PSMD8: variants seen among roughly 807,000 people sequenced by gnomAD.
PSMD8 encodes proteasome 26S subunit, non-ATPase 8.
Under a neutral mutation model 40.0 loss-of-function variants are expected in PSMD8, and 30 were observed. The ratio of observed to expected loss-of-function variants is 0.75; its 90% CI spans 0.56 to 1.02. PSMD8 has a LOEUF of 1.02. Ranked by LOEUF, PSMD8 falls within the 50% of genes least tolerant of loss-of-function variation. The pLI is 0.00. For synonymous variants in PSMD8, 208 were observed against 192.5 expected (o/e 1.08, Z -0.67); for missense variants, 461 against 463.9 (o/e 0.99, Z 0.06).
intron 1 of PSMD8, among the ~76,000 whole-genome samples, chr19:38,375,776 G>C (rs1970592594): frequency 6.6e-6 from 1 of 152,156 alleles, no homozygotes; most frequent in South Asian, 2.1e-4. Context: ...TGAACTGTGG[G>C]GGGAGATTTG....
At chr19:38,382,291 G>A (rs1221323168) in intron 6 of PSMD8, 63 bp downstream of exon 6, 1 of 1,346,032 alleles carries the variant, frequency 7.4e-7, no homozygotes, top group East Asian at 2.5e-5. Context: ...CAACAGTGTG[G>A]GGTGGCTTAG....
chr19:38,374,676 G>T lies in PSMD8; in HGVS notation c.75G>T (p.Gln25His). Reference sequence around the variant, plus strand: ...GGGCTACCCGGGGCGGGCTGAGGCAGGTTGTAGCCCCGCCCCGGGCCTTGG... The same window carrying T: ...GGGCTACCCGGGGCGGGCTGAGGCATGTTGTAGCCCCGCCCCGGGCCTTGG... Reference protein sequence around the residue: ...RRRATRGGLRQVVAPPRALGS... With the variant: ...RRRATRGGLRHVVAPPRALGS... The change falls in exon 1 of 7, where the codon CAG becomes CAT. Residue 25 changes from glutamine (Q) to histidine (H), a missense_variant. This residue lies in a region of PSMD8 where 225 missense variants were observed against 142.7 expected (regional missense o/e 1.58). Coordinates refer to ENST00000215071, the MANE Select transcript of PSMD8 (RefSeq NM_002812.5). 2 of 1,540,500 alleles carry T rather than the reference G, an allele frequency of 1.3e-6. No homozygotes were observed. Among genetic ancestry groups the T allele is most frequent in the Non-Finnish European group, 8.7e-7 (1 of 1,146,472 alleles).
In PSMD8 at chr19:38,374,813, G is replaced by A. The variant is rs760627842; in HGVS notation, c.212G>A (p.Gly71Glu). The change falls in exon 1 of 7, where the codon GGG (glycine) becomes GAG (glutamate). Residue 71 changes from glycine to glutamate, a missense_variant. Transcript: ENST00000215071. ...SRKMAAAAVN[G>E]AAGFSSSGPA... ...AAGATGGCGGCCGCGGCGGTGAACG[G>A]GGCGGCAGGCTTCTCGAGCTCCGGG... is the stretch of plus-strand genomic sequence containing the variant. The A allele has an allele frequency of 5.7e-6, 9 of 1,574,184 alleles. No homozygotes were observed. The highest frequency in any genetic ancestry group is 1.7e-4 in the Middle Eastern group (1 of 5,892).
chr19:38,379,350 C>G lies in PSMD8; in HGVS notation c.647C>G (p.Pro216Arg). ...TTCCACACGGAGTTGGAGCGGCTGC[C>G]TGCCAAGGACATACAGACCAATGTC... is the stretch of plus-strand genomic sequence containing the variant. ...AEFHTELERL[P>R]AKDIQTNVYI... The change falls in exon 4 of 7, where the codon CCT (proline) becomes CGT (arginine). Residue 216 changes from proline (P) to arginine (R), a missense_variant. Coordinates refer to ENST00000215071, the MANE Select transcript of PSMD8 (RefSeq NM_002812.5). 1 of 1,614,048 alleles carries G rather than the reference C, an allele frequency of 6.2e-7. No homozygotes were observed. The highest frequency in any genetic ancestry group is 8.5e-7 in the Non-Finnish European group (1 of 1,179,894).
chr19:38,378,035 TAACCCTTGTTCATTC>T (rs1262034507), intron 3 of PSMD8, among the ~76,000 whole-genome samples: 4 of 152,252 alleles, frequency 2.6e-5, no homozygotes, highest in Admixed American at 6.5e-5. Flanking sequence ...TTAATTCACT[TAACCCTTGTTCATTC>T]AACCCATCTC....
In PSMD8 at chr19:38,383,414, A is replaced by G. The variant is rs761402480; in HGVS notation, c.*24A>G. 7.5e-5 allele frequency: 121 copies of G among 1,613,674 alleles called. No homozygotes were observed. The highest frequency in any genetic ancestry group is 9.3e-5 in the African/African-American group (7 of 74,924). ...GAGCCCCCCGGGCACTGGGTGGGGC[A>G]GGGCACGAGTTATTTAAAACAGTTA... is the stretch of plus-strand genomic sequence containing the variant. On this transcript the variant is annotated 3_prime_UTR_variant, in exon 7 of 7. Coordinates refer to ENST00000215071, the MANE Select transcript of PSMD8 (RefSeq NM_002812.5).
chr19:38,375,034 A>C, intron 1 of PSMD8, 73 bp downstream of exon 1: 1 of 1,515,846 alleles, frequency 6.6e-7, no homozygotes, highest in South Asian at 1.2e-5. Flanking sequence ...GACCCAACCA[A>C]GTCCCGGGCC....
intron 3 of PSMD8, 118 bp from the exon 4 acceptor site, chr19:38,379,122 A>G (rs995574427): frequency 9.6e-7 from 1 of 1,038,204 alleles, no homozygotes; most frequent in Admixed American, 2.7e-5. Flanking sequence ...AAAACCCAGG[A>G]CCTGATACCT....
At position 38,379,379 on chromosome 19, in the gene PSMD8, A is replaced by T; in HGVS notation, c.676A>T (p.Ile226Phe). The change falls in exon 4 of 7, where the codon ATC becomes TTC. Residue 226 changes from isoleucine to phenylalanine, a missense_variant. By Grantham distance (21) the Ile-to-Phe change is conservative. This residue lies in a region of PSMD8 where 236 missense variants were observed against 321.2 expected (regional missense o/e 0.73). Transcript: ENST00000215071. ...PAKDIQTNVY[I>F]KHPVSLEQYL... is the part of the protein sequence containing the mutation. ...CAAGGACATACAGACCAATGTCTAC[A>T]TCAAGCACCCAGTGTCCCTGGAGCA... 2 of 1,613,952 alleles carry T rather than the reference A, an allele frequency of 1.2e-6. No homozygotes were observed. The highest frequency in any genetic ancestry group is 1.7e-6 in the Non-Finnish European group (2 of 1,179,860).
At chr19:38,376,280 C>T (rs1970597246) in intron 2 of PSMD8, 48 bp downstream of exon 2, 1 of 1,545,080 alleles carries the variant, frequency 6.5e-7, no homozygotes, top group South Asian at 1.2e-5. Flanking sequence ...GGGGTCATGG[C>T]AGGAATGGTA....
At chr19:38,381,071 AT>A in intron 5 of PSMD8, 72 bp downstream of exon 5, 1 of 1,213,202 alleles carries the variant, frequency 8.2e-7, no homozygotes, top group Non-Finnish European at 1.1e-6. Context: ...CCGAGTCTGA[AT>A]CTCATTCCAG....
At position 38,379,260 on chromosome 19, in the gene PSMD8, C is replaced by T; in HGVS notation, c.557C>T (p.Ala186Val). Reference protein sequence around the residue: ...FDYKEQLPESAYMHQLLGLNL... With the variant: ...FDYKEQLPESVYMHQLLGLNL... ...CACAGGGAGCAGCTCCCCGAGTCAG[C>T]CTATATGCACCAGCTCTTGGGCCTC... is the stretch of plus-strand genomic sequence containing the variant. The change falls in exon 4 of 7, where the codon GCC (alanine) becomes GTC (valine). Residue 186 changes from alanine to valine, a missense_variant. Around this residue, in one of 2 missense-constraint regions of PSMD8, gnomAD observed 236 missense variants for 321.2 expected, o/e 0.73. Transcript: ENST00000215071. The T allele has an allele frequency of 6.2e-7, 1 of 1,613,884 alleles. No individual in the cohort carries two copies. Among genetic ancestry groups the T allele is most frequent in the Non-Finnish European group, 8.5e-7 (1 of 1,179,892 alleles).
chr19:38,381,942 G>A (rs979155351), intron 5 of PSMD8, among the ~76,000 whole-genome samples, 175 bp from the exon 6 acceptor site: 6 of 152,108 alleles, frequency 3.9e-5, no homozygotes, highest in Admixed American at 6.6e-5. Context: ...CTTGCTTTGC[G>A]AGTCTGGTCA....
intron 1 of PSMD8, among the ~76,000 whole-genome samples, chr19:38,375,775 G>A (rs1264119377): frequency 1.3e-5 from 2 of 152,138 alleles, no homozygotes; most frequent in Non-Finnish European, 2.9e-5. Context: ...CTGAACTGTG[G>A]GGGGAGATTT....
In PSMD8 at chr19:38,383,470, C is replaced by T. The variant is rs150328547; in HGVS notation, c.*80C>T. The T allele has an allele frequency of 1.3e-6, 2 of 1,554,064 alleles. No individual in the cohort carries two copies. The highest frequency in any genetic ancestry group is 1.1e-5 in the South Asian group (1 of 87,360). ...CAGGGTTTCGCCCAATAAAGGTGGA[C>T]TGACATTCCCTCTTCCAGGCCCTTG... On this transcript the variant is annotated 3_prime_UTR_variant, in exon 7 of 7. Coordinates refer to ENST00000215071, the MANE Select transcript of PSMD8 (RefSeq NM_002812.5).
At chr19:38,380,689 T>TGAGAGAGAGAGA (rs374592990) in intron 4 of PSMD8, among the ~76,000 whole-genome samples, 115 of 101,590 alleles carry the variant, frequency 1.1e-3, no homozygotes, top group African/African-American at 3.5e-3. Flanking sequence ...GAAGAGGGGG[T>TGAGAGAGAGAGA]GAGAGAGAGA....
At chr19:38,382,558 C>A (rs768231097) in intron 6 of PSMD8, 24 of 533,354 alleles carry the variant, frequency 4.5e-5, no homozygotes, top group Non-Finnish European at 6.3e-5. Context: ...ACGAGCAACG[C>A]TTGGTGTTGC....
At chr19:38,378,612 G>T (rs1385781883) in intron 3 of PSMD8, among the ~76,000 whole-genome samples, 1 of 151,296 alleles carries the variant, frequency 6.6e-6, no homozygotes, top group Non-Finnish European at 1.5e-5. Flanking sequence ...GGAAGTTGAG[G>T]CTGCAGTGAG....
chr19:38,375,159 C>CA, intron 1 of PSMD8, 198 bp downstream of exon 1: 1 of 925,644 alleles, frequency 1.1e-6, no homozygotes, highest in East Asian at 2.8e-5. Context: ...GAGAGAGGGA[C>CA]AGGGAGCGTT....
Sources: gnomAD v4.1 joint callset for allele counts (sites outside exome capture counted in the v4.1 genomes callset) on GRCh38, gnomAD v4.1.1 for gene constraint, gnomAD v4.1.1 regional missense constraint, MANE v1.5 for transcripts, NCBI Gene and HGNC (gene_info 2026-07-23, HGNC 2026-07-21) for gene names.